FARS2: variants seen among roughly 807,000 people sequenced by gnomAD.
FARS2 encodes the protein phenylalanine--tRNA ligase, mitochondrial.
In FARS2, 40 loss-of-function variants were observed where a neutral mutation model predicts 46.4. The ratio of observed to expected loss-of-function variants is 0.86; its 90% CI spans 0.67 to 1.12. The LOEUF (loss-of-function observed/expected upper bound fraction) is 1.12, where lower values mean the gene tolerates loss of function less well. Ranked by LOEUF, FARS2 falls within the 50% of genes most tolerant of loss-of-function variation. FARS2 has a pLI of 0.00. For synonymous variants in FARS2, 234 were observed against 214.9 expected, an observed-to-expected ratio of 1.09 and a Z score of -0.78; for missense variants, 513 against 567.9, an observed-to-expected ratio of 0.90 and a Z score of 0.98.
chr6:5,749,297 G>C (rs1761814072), intron 6 of FARS2, among the ~76,000 whole-genome samples: 1 of 152,236 alleles, frequency 6.6e-6, no homozygotes, highest in African/African-American at 2.4e-5. Context: ...GGACAGGCAG[G>C]CTGGCTAAGC....
chr6:5,411,099 C>A (rs538293918), intron 3 of FARS2, among the ~76,000 whole-genome samples: 92 of 152,150 alleles, frequency 6.0e-4, no homozygotes, highest in Non-Finnish European at 5.3e-4. Flanking sequence ...CATGATGTCC[C>A]CCTGGCCAAA....
intron 6 of FARS2, among the ~76,000 whole-genome samples, chr6:5,710,154 T>C (rs1446736676): frequency 1.3e-5 from 2 of 152,190 alleles, no homozygotes; most frequent in East Asian, 1.9e-4. Flanking sequence ...TTTCAGAGCC[T>C]CTCAGTCTAA....
intron 1 of FARS2, among the ~76,000 whole-genome samples, chr6:5,353,659 T>A (rs1441550788): frequency 6.6e-6 from 1 of 152,026 alleles, no homozygotes; most frequent in Non-Finnish European, 1.5e-5. Flanking sequence ...CAGTTTTTCA[T>A]ATATCTGTTG....
intron 4 of FARS2, among the ~76,000 whole-genome samples, chr6:5,439,469 C>CTTCA (rs1763721059): frequency 6.6e-6 from 1 of 152,242 alleles, no homozygotes; most frequent in Non-Finnish European, 1.5e-5. Flanking sequence ...AAAGCAGGAA[C>CTTCA]TTCACCCTGT....
intron 4 of FARS2, among the ~76,000 whole-genome samples, chr6:5,506,914 C>T (rs2150393641): frequency 6.6e-6 from 1 of 152,344 alleles, no homozygotes; most frequent in South Asian, 2.1e-4. Flanking sequence ...AAGAGGCTAA[C>T]CATATATTTA....
chr6:5,711,023 T>G (rs112217602), intron 6 of FARS2, among the ~76,000 whole-genome samples: 6,604 of 152,248 alleles, frequency 0.043, 468 homozygotes, highest in African/African-American at 0.15. Flanking sequence ...ATTCTAGGAC[T>G]GGGCCAGGAA....
intron 6 of FARS2, among the ~76,000 whole-genome samples, chr6:5,622,577 A>G (rs542990595): frequency 6.6e-6 from 1 of 152,288 alleles, no homozygotes; most frequent in South Asian, 2.1e-4. Context: ...GGCTTCAGAG[A>G]GCTGCCTGCT....
intron 4 of FARS2, among the ~76,000 whole-genome samples, chr6:5,461,624 G>A (rs976385048): frequency 3.3e-5 from 5 of 152,072 alleles, no homozygotes; most frequent in Admixed American, 2.0e-4. Context: ...GCAGTGGTGC[G>A]ATCCACTATT....
chr6:5,337,391 CA>C (rs1205219874), intron 1 of FARS2, among the ~76,000 whole-genome samples: 1 of 152,086 alleles, frequency 6.6e-6, no homozygotes, highest in Non-Finnish European at 1.5e-5. Flanking sequence ...CTTTCTTCTG[CA>C]GACCTTTTCA....
chr6:5,365,317 C>CT (rs61097603), intron 1 of FARS2, among the ~76,000 whole-genome samples: 2,463 of 42,410 alleles, frequency 0.058, 708 homozygotes, highest in Non-Finnish European at 0.071. Flanking sequence ...AGTATACTTT[C>CT]TTTTTTTTTT....
intron 3 of FARS2, among the ~76,000 whole-genome samples, chr6:5,407,043 T>TTA (rs201074448): frequency 0.063 from 5,244 of 83,864 alleles, 661 homozygotes; most frequent in East Asian, 0.11. Context: ...AGGTGGCAAA[T>TTA]TATATATATA....
chr6:5,744,454 C>T (rs139373537), intron 6 of FARS2, among the ~76,000 whole-genome samples: 7 of 152,274 alleles, frequency 4.6e-5, no homozygotes, highest in East Asian at 1.9e-4. Context: ...GTTAAGTCTC[C>T]GTTTATAGAT....
In FARS2 at chr6:5,395,858, G is replaced by A. The variant is rs56142140; in HGVS notation, c.613-8684G>A. 9.3e-3 allele frequency among the ~76,000 whole-genome samples: 1,413 copies of A among 152,224 alleles called. 11 individuals carry two copies. Among genetic ancestry groups the A allele is most frequent in the Non-Finnish European group, 0.014 (922 of 67,990 alleles). ...TTCAAATGTAACCTTGCTTATTGAG[G>A]AAATGTATAAAATATCTAAAAGCAC... On this transcript the variant is annotated intron_variant, in intron 2 of 6. Transcript: ENST00000274680.
chr6:5,684,022 G>A (rs1278114918), intron 6 of FARS2, among the ~76,000 whole-genome samples: 2 of 152,136 alleles, frequency 1.3e-5, no homozygotes, highest in Non-Finnish European at 2.9e-5. Context: ...GTCTATCACT[G>A]ATGGGCATTT....
At chr6:5,498,378 C>T (rs6916196) in intron 4 of FARS2, among the ~76,000 whole-genome samples, 3,218 of 152,152 alleles carry the variant, frequency 0.021, 116 homozygotes, top group African/African-American at 0.073. Flanking sequence ...AGAGCATCAG[C>T]GGGGAAAGGA....
At chr6:5,396,555 T>C (rs1031542235) in intron 2 of FARS2, among the ~76,000 whole-genome samples, 1 of 152,196 alleles carries the variant, frequency 6.6e-6, no homozygotes, top group African/African-American at 2.4e-5. Flanking sequence ...AAACTTCCAC[T>C]TCTTTCACAG....
At chr6:5,438,246 G>GCT (rs1554185235) in intron 4 of FARS2, among the ~76,000 whole-genome samples, 2 of 35,762 alleles carry the variant, frequency 5.6e-5, no homozygotes, top group Middle Eastern at 0.015. Context: ...CCCACCCCCC[G>GCT]CCCCCCCCCC....
At chr6:5,763,274 A>G (rs1320570495) in intron 6 of FARS2, among the ~76,000 whole-genome samples, 3 of 152,154 alleles carry the variant, frequency 2.0e-5, no homozygotes, top group Non-Finnish European at 4.4e-5. Flanking sequence ...CAACATAGCG[A>G]GACCCTGTCT....
chr6:5,440,421 C>G (rs1763775784), intron 4 of FARS2, among the ~76,000 whole-genome samples: 1 of 152,188 alleles, frequency 6.6e-6, no homozygotes, highest in South Asian at 2.1e-4. Context: ...CTGGCCACCC[C>G]CATGTTGATG....
Sources: gnomAD v4.1 joint callset for allele counts (sites outside exome capture counted in the v4.1 genomes callset) on GRCh38, gnomAD v4.1.1 for gene constraint, MANE v1.5 for transcripts, NCBI Gene and HGNC (gene_info 2026-07-23, HGNC 2026-07-21) for gene names.